ATG7: variants seen among roughly 807,000 people sequenced by gnomAD.
The protein encoded by ATG7 is autophagy related 7.
A neutral mutation model predicts 82.4 loss-of-function variants in ATG7; 70 were observed. The observed-to-expected ratio is 0.85, with a 90% CI of 0.70 to 1.04. The LOEUF (loss-of-function observed/expected upper bound fraction) is 1.04. Ranked by LOEUF, ATG7 falls within the 50% of genes least tolerant of loss-of-function variation. The pLI, the probability that ATG7 is intolerant of heterozygous loss-of-function variation, is 0.00. For missense variants in ATG7, 792 were observed against 864.3 expected, an observed-to-expected ratio of 0.92 and a Z score of 1.05; for synonymous variants, 287 against 313.0, an observed-to-expected ratio of 0.92 and a Z score of 0.88.
chr3:11,570,680 G>T, the ATG7 span, among the ~76,000 whole-genome samples: 7 of 152,212 alleles, frequency 4.6e-5, no homozygotes, highest in Non-Finnish European at 7.3e-5. Flanking sequence ...TGGTGGCAAA[G>T]ACTTTTTTCT....
intron 16 of ATG7, among the ~76,000 whole-genome samples, chr3:11,361,773 A>G (rs2076301510): frequency 6.6e-6 from 1 of 152,200 alleles, no homozygotes; most frequent in African/African-American, 2.4e-5. Flanking sequence ...AGTGCTTTGA[A>G]CAGCAAGACT....
chr3:11,494,153 GC>G (rs906556653), intron 20 of ATG7, among the ~76,000 whole-genome samples: 5 of 152,206 alleles, frequency 3.3e-5, no homozygotes, highest in Non-Finnish European at 2.9e-5. Flanking sequence ...GCTGCAGCAG[GC>G]AAGATGGGAG....
intron 20 of ATG7, among the ~76,000 whole-genome samples, chr3:11,479,195 A>G (rs900964067): frequency 6.6e-6 from 1 of 152,220 alleles, no homozygotes; most frequent in Non-Finnish European, 1.5e-5. Context: ...ACAGTTTGGC[A>G]CATAGTAAAT....
At chr3:11,537,273 A>G (rs2125007330) in intron 20 of ATG7, among the ~76,000 whole-genome samples, 1 of 152,098 alleles carries the variant, frequency 6.6e-6, no homozygotes, top group East Asian at 1.9e-4. Flanking sequence ...GTCCCTTTCT[A>G]AAAGAACTGT....
chr3:11,509,986 A>G (rs989612030), intron 20 of ATG7, among the ~76,000 whole-genome samples: 2 of 152,080 alleles, frequency 1.3e-5, no homozygotes, highest in Admixed American at 6.5e-5. Flanking sequence ...GAAGCTTTCT[A>G]AGTTGATTTC....
intron 20 of ATG7, among the ~76,000 whole-genome samples, chr3:11,485,070 G>C (rs187238002): frequency 3.2e-4 from 48 of 152,266 alleles, no homozygotes; most frequent in African/African-American, 1.1e-3. Flanking sequence ...GTAATGGGAT[G>C]GCTGGGTCAA....
At chr3:11,489,689 T>C (rs935751395) in intron 20 of ATG7, among the ~76,000 whole-genome samples, 2 of 147,732 alleles carry the variant, frequency 1.4e-5, no homozygotes, top group East Asian at 2.0e-4. Context: ...TTTGTTCTCG[T>C]TGGTTTCAAA....
chr3:11,420,662 T>C lies in ATG7; in HGVS notation c.1957-6142T>C, dbSNP rs1333391942. ...AATTCCTTTGGTTTCTCAGTGCATA[T>C]AAAAGTTACATTTTTACTATACTGT... is the stretch of plus-strand genomic sequence containing the variant. On this transcript the variant is annotated intron_variant, in intron 19 of 20. Coordinates refer to ENST00000693202, the MANE Select transcript of ATG7 (RefSeq NM_001349232.2). Among the ~76,000 whole-genome samples, 3 of 152,128 alleles carry C rather than the reference T, an allele frequency of 2.0e-5. No individual in the cohort carries two copies. In the East Asian group the frequency reaches 5.8e-4, roughly 29 times the overall value.
At chr3:11,511,180 C>G (rs947501227) in intron 20 of ATG7, among the ~76,000 whole-genome samples, 5 of 152,098 alleles carry the variant, frequency 3.3e-5, no homozygotes, top group Non-Finnish European at 7.4e-5. Context: ...GGGACCTGAG[C>G]GGGTTGCCAA....
At chr3:11,544,460 A>G (rs1575271122) in intron 20 of ATG7, among the ~76,000 whole-genome samples, 1 of 152,190 alleles carries the variant, frequency 6.6e-6, no homozygotes, top group Non-Finnish European at 1.5e-5. Flanking sequence ...AGCAAGAAGT[A>G]CCCACCGCTG....
At chr3:11,273,857 A>G (rs1218818130) in intron 1 of ATG7, among the ~76,000 whole-genome samples, 1 of 152,020 alleles carries the variant, frequency 6.6e-6, no homozygotes, top group Non-Finnish European at 1.5e-5. Flanking sequence ...GATGGACAGT[A>G]ATTGGGGGGA....
chr3:11,453,202 A>AT, intron 20 of ATG7, among the ~76,000 whole-genome samples: 1 of 152,264 alleles, frequency 6.6e-6, no homozygotes, highest in Non-Finnish European at 1.5e-5. Context: ...TGGAGAACAG[A>AT]CGGGGGGCGT....
At chr3:11,392,305 C>T (rs1289712522) in intron 19 of ATG7, among the ~76,000 whole-genome samples, 1 of 151,930 alleles carries the variant, frequency 6.6e-6, no homozygotes, top group African/African-American at 2.4e-5. Flanking sequence ...GCTAAGAATC[C>T]AAGACAGTGC....
rs2070466058 is a variant in ATG7 at position 11,538,003 on chromosome 3, G to A, written c.2080-16808G>A. On this transcript the variant is annotated intron_variant, in intron 20 of 20. Coordinates refer to ENST00000693202, the MANE Select transcript of ATG7 (RefSeq NM_001349232.2). ...GGCCCTGAATGTAGAAGAGGCCAGG[G>A]AAAGGTGGAGGGAAGAGGGCATAGG... is the stretch of plus-strand genomic sequence containing the variant. Among the ~76,000 whole-genome samples the A allele has an allele frequency of 3.5e-5, 4 of 115,890 alleles. 1 individual carries two copies. Among genetic ancestry groups the A allele is most frequent in the Admixed American group, 3.4e-4 (4 of 11,642 alleles). The allele number at this position is 115,890 out of a possible 152,430, so 76.0% of individuals were successfully genotyped here.
chr3:11,290,376 T>G, intron 3 of ATG7: 1 of 168,236 alleles, frequency 5.9e-6, no homozygotes, highest in Non-Finnish European at 1.3e-5. Context: ...AGGCCAAGCA[T>G]GAGGAATAAG....
In ATG7 at chr3:11,362,839, G is replaced by A; in HGVS notation, c.1710G>A (p.Gln570=). The A allele has an allele frequency of 1.2e-6, 2 of 1,614,092 alleles. No homozygotes were observed. The highest frequency in any genetic ancestry group is 8.5e-7 in the Non-Finnish European group (1 of 1,179,976). The change falls in exon 17 of 21, where the codon CAG becomes CAA. Residue 570 remains glutamine (Q), a synonymous_variant. Transcript: ENST00000693202. ...GDSTRDRTLD[Q]QCTVSRPGLA... ...CAACCAGAGACCGGACCTTGGACCAGCAGTGCACTGTGAGTCGTCCAGGAC... is the reference window on the plus strand; with the variant it reads ...CAACCAGAGACCGGACCTTGGACCAACAGTGCACTGTGAGTCGTCCAGGAC...
At chr3:11,371,705 A>T (rs1393187115) in intron 18 of ATG7, among the ~76,000 whole-genome samples, 1 of 151,194 alleles carries the variant, frequency 6.6e-6, no homozygotes, top group Non-Finnish European at 1.5e-5. Flanking sequence ...TCTGTCCATG[A>T]AAACATGGCT....
At chr3:11,566,251 T>C in the ATG7 span, among the ~76,000 whole-genome samples, 1 of 152,178 alleles carries the variant, frequency 6.6e-6, no homozygotes, top group Non-Finnish European at 1.5e-5. Flanking sequence ...ACGCATGTGA[T>C]AGGCGTACCT....
the ATG7 span, among the ~76,000 whole-genome samples, chr3:11,572,100 C>G: frequency 6.6e-6 from 1 of 151,858 alleles, no homozygotes; most frequent in Non-Finnish European, 1.5e-5. Context: ...AGAGTGAGAC[C>G]CTGTCTCAAA....
Sources: gnomAD v4.1 joint callset for allele counts (sites outside exome capture counted in the v4.1 genomes callset) on GRCh38, gnomAD v4.1.1 for gene constraint, MANE v1.5 for transcripts, NCBI Gene and HGNC (gene_info 2026-07-23, HGNC 2026-07-21) for gene names.